NMNAT3: variants seen among roughly 807,000 people sequenced by gnomAD.
The protein encoded by NMNAT3 is nicotinamide nucleotide adenylyltransferase 3, also known as nicotinamide/nicotinic acid mononucleotide adenylyltransferase 3.
A neutral mutation model predicts 24.8 loss-of-function variants in NMNAT3; 21 were observed. The ratio of observed to expected loss-of-function variants is 0.85; its 90% CI spans 0.60 to 1.22. The LOEUF (loss-of-function observed/expected upper bound fraction) is 1.22, where lower values mean the gene tolerates loss of function less well. Ranked by LOEUF, NMNAT3 falls within the 50% of genes most tolerant of loss-of-function variation. NMNAT3 has a pLI of 0.00. For missense variants in NMNAT3, 387 were observed against 436.6 expected (o/e 0.89, Z 1.01); for synonymous variants, 136 against 155.2 (o/e 0.88, Z 0.92).
intron 5 of NMNAT3, chr3:139,575,909 C>G: frequency 7.8e-7 from 1 of 1,285,490 alleles, no homozygotes; most frequent in Non-Finnish European, 1.0e-6. Flanking sequence ...ATAAGCATGG[C>G]TTCAGAGCTC....
In NMNAT3 at chr3:139,584,901, T is replaced by G. The variant is rs967050754; in HGVS notation, c.110-1693A>C. On this transcript the variant is annotated intron_variant, in intron 3 of 6. Coordinates refer to ENST00000643695, the MANE Select transcript of NMNAT3 (RefSeq NM_001320510.2). ...CTTTTATTAGTTATAAACAGAGGCA[T>G]GTTAAAATCTCTCACTATGATTGTG... Among the ~76,000 whole-genome samples, 10 of 152,236 alleles carry G rather than the reference T, an allele frequency of 6.6e-5. No individual in the cohort carries two copies. In the East Asian group the frequency reaches 1.5e-3, roughly 23 times the overall value.
At position 139,561,336 on chromosome 3, in the gene NMNAT3, G is replaced by A; in HGVS notation, c.715C>T (p.Pro239Ser). 2 of 1,613,896 alleles carry A rather than the reference G, an allele frequency of 1.2e-6. No individual in the cohort carries two copies. Among genetic ancestry groups the A allele is most frequent in the South Asian group, 2.2e-5 (2 of 91,052 alleles). The change falls in exon 7 of 7, where the codon CCC becomes TCC. Residue 239 changes from proline (P) to serine (S), a missense_variant. Coordinates refer to ENST00000643695, the MANE Select transcript of NMNAT3 (RefSeq NM_001320510.2). ...ATGTGCGCATCCTTCCAGAGGTTGG[G>A]GGTCTGGAAGGTCTTCAAGACGTCT...
At chr3:139,650,116 T>C in intron 1 of NMNAT3, among the ~76,000 whole-genome samples, 1 of 152,186 alleles carries the variant, frequency 6.6e-6, no homozygotes, top group East Asian at 1.9e-4. Flanking sequence ...TCTCTACAAA[T>C]ACTTCTTAAG....
intron 1 of NMNAT3, among the ~76,000 whole-genome samples, chr3:139,644,540 T>C (rs752737808): frequency 2.0e-5 from 3 of 152,090 alleles, no homozygotes; most frequent in Non-Finnish European, 1.5e-5. Flanking sequence ...AATTTAACCC[T>C]GGAGAAAGGT....
intron 3 of NMNAT3, 31 bp downstream of exon 4, chr3:139,627,585 C>T (rs1483408206): frequency 7.5e-6 from 10 of 1,339,954 alleles, no homozygotes; most frequent in Non-Finnish European, 1.0e-5. Context: ...CCCACCAGTT[C>T]TTCTGTTGGA....
chr3:139,592,588 A>G (rs1382631759), intron 3 of NMNAT3, among the ~76,000 whole-genome samples: 1 of 152,206 alleles, frequency 6.6e-6, no homozygotes, highest in African/African-American at 2.4e-5. Context: ...GGTTACCCTC[A>G]AAGGGAAGCC....
chr3:139,560,537 G>T lies in NMNAT3; in HGVS notation c.*473C>A. On this transcript the variant is annotated 3_prime_UTR_variant, in exon 7 of 7. Transcript: ENST00000643695. The stretch of plus-strand genomic sequence containing the variant: ...CCTCAGTTCATATTCTGAAACCAGG[G>T]CGTTGACAAAACCCACTGTTCAGTA... 1 of 155,944 alleles carries T rather than the reference G, an allele frequency of 6.4e-6. No homozygotes were observed. Among genetic ancestry groups the T allele is most frequent in the Non-Finnish European group, 1.4e-5 (1 of 70,210 alleles). 9.7% of individuals were successfully genotyped at this position (155,944 alleles called of 1,614,324 possible). A position where few individuals can be genotyped will look rare whatever the true frequency, so the allele number is the denominator to read the frequency against.
At chr3:139,614,531 T>C (rs2108268363) in intron 3 of NMNAT3, among the ~76,000 whole-genome samples, 1 of 152,368 alleles carries the variant, frequency 6.6e-6, no homozygotes, top group Middle Eastern at 3.4e-3. Context: ...AGTTTGTCTT[T>C]CATGACACTG....
At chr3:139,665,326 G>A (rs995921688) in intron 1 of NMNAT3, among the ~76,000 whole-genome samples, 4 of 152,204 alleles carry the variant, frequency 2.6e-5, no homozygotes, top group African/African-American at 9.7e-5. Flanking sequence ...ACAGGCCCCT[G>A]AGACACCTGT....
At chr3:139,645,598 TAAG>T (rs2056845057) in intron 1 of NMNAT3, among the ~76,000 whole-genome samples, 1 of 152,128 alleles carries the variant, frequency 6.6e-6, no homozygotes, top group Non-Finnish European at 1.5e-5. Flanking sequence ...GTGCTCCAGG[TAAG>T]AAGAAGAAAG....
chr3:139,660,121 G>T (rs1559965139), intron 1 of NMNAT3, among the ~76,000 whole-genome samples: 2 of 152,166 alleles, frequency 1.3e-5, no homozygotes, highest in Admixed American at 1.3e-4. Flanking sequence ...GTGTCAACTA[G>T]GTCTGCCTGG....
In NMNAT3 at chr3:139,560,892, G is replaced by T; in HGVS notation, c.*118C>A. 1 of 1,021,468 alleles carries T rather than the reference G, an allele frequency of 9.8e-7. No individual in the cohort carries two copies. The highest frequency in any genetic ancestry group is 1.4e-6 in the Non-Finnish European group (1 of 689,772). 63.3% of individuals were successfully genotyped at this position (1,021,468 alleles called of 1,614,324 possible). A position where few individuals can be genotyped will look rare whatever the true frequency, so the allele number is the denominator to read the frequency against. ...AAGACTCCTCAGAAGTAGAATCACTGTAGAAATAAAGCAAATGAAAAATGG... is the reference window on the plus strand; with the variant it reads ...AAGACTCCTCAGAAGTAGAATCACTTTAGAAATAAAGCAAATGAAAAATGG... On this transcript the variant is annotated 3_prime_UTR_variant, in exon 7 of 7. Transcript: ENST00000643695.
chr3:139,599,158 C>A, intron 3 of NMNAT3: 2 of 564,680 alleles, frequency 3.5e-6, no homozygotes, highest in South Asian at 2.5e-5. Context: ...TGGCTTGGCA[C>A]ACTTATCAGC....
intron 3 of NMNAT3, among the ~76,000 whole-genome samples, chr3:139,613,540 C>T (rs2055331827): frequency 6.6e-6 from 1 of 152,148 alleles, no homozygotes; most frequent in African/African-American, 2.4e-5. Context: ...GTTGGTGGGA[C>T]TGTAAACTAG....
chr3:139,599,482 A>G, intron 3 of NMNAT3: 4 of 691,390 alleles, frequency 5.8e-6, no homozygotes, highest in Non-Finnish European at 1.0e-5. Flanking sequence ...AGAGATCAGG[A>G]GCAACTGTCA....
At chr3:139,668,896 A>G (rs1402663602) in intron 1 of NMNAT3, among the ~76,000 whole-genome samples, 1 of 152,228 alleles carries the variant, frequency 6.6e-6, no homozygotes, top group Non-Finnish European at 1.5e-5. Context: ...CCATAACTTA[A>G]AGGGAAATGA....
intron 1 of NMNAT3, among the ~76,000 whole-genome samples, chr3:139,673,188 G>T (rs1391556958): frequency 1.3e-5 from 2 of 152,168 alleles, no homozygotes; most frequent in African/African-American, 2.4e-5. Context: ...AAGGGAAAAG[G>T]CTCCAGTGCC....
At chr3:139,641,567 C>T (rs1399298701) in intron 1 of NMNAT3, among the ~76,000 whole-genome samples, 1 of 152,114 alleles carries the variant, frequency 6.6e-6, no homozygotes, top group Non-Finnish European at 1.5e-5. Context: ...AAAGAACACT[C>T]CATTCTCAGA....
At chr3:139,613,112 A>T (rs1039105362) in intron 3 of NMNAT3, among the ~76,000 whole-genome samples, 29 of 152,036 alleles carry the variant, frequency 1.9e-4, no homozygotes, top group African/African-American at 6.5e-4. Flanking sequence ...AGCAATGGCA[A>T]CAAAAGCAAA....
Sources: gnomAD v4.1 joint callset for allele counts (sites outside exome capture counted in the v4.1 genomes callset) on GRCh38, gnomAD v4.1.1 for gene constraint, MANE v1.5 for transcripts, NCBI Gene and HGNC (gene_info 2026-07-23, HGNC 2026-07-21) for gene names.